The following ZFPM2 variants were observed in gnomAD, a reference collection of about 807,000 sequenced individuals.
The protein encoded by ZFPM2 is zinc finger protein ZFPM2.
Under a neutral mutation model 98.6 loss-of-function variants are expected in ZFPM2, and 20 were observed. The observed-to-expected ratio is 0.20, with a 90% confidence interval of 0.14 to 0.29. The LOEUF is 0.29. Ranked by LOEUF, ZFPM2 falls within the 10% of genes least tolerant of loss-of-function variation. ZFPM2 has a pLI of 1.00. For synonymous variants in ZFPM2, 518 were observed against 502.7 expected (o/e 1.03, Z -0.41); for missense variants, 1,310 against 1,388.6 (o/e 0.94, Z 0.90).
intron 1 of ZFPM2, among the ~76,000 whole-genome samples, chr8:105,333,884 G>T (rs1219051175): frequency 1.3e-5 from 2 of 151,506 alleles, no homozygotes; most frequent in Non-Finnish European, 3.0e-5. Flanking sequence ...AAAAATTTTT[G>T]AAAAAATATG....
chr8:105,747,949 T>A (rs551694419), intron 5 of ZFPM2, among the ~76,000 whole-genome samples: 67 of 152,232 alleles, frequency 4.4e-4, no homozygotes, highest in Middle Eastern at 3.4e-3. Flanking sequence ...ATCAACTTTC[T>A]TAGTTTACTT....
intron 5 of ZFPM2, among the ~76,000 whole-genome samples, chr8:105,637,545 C>G (rs939334812): frequency 1.3e-5 from 2 of 152,124 alleles, no homozygotes; most frequent in Non-Finnish European, 2.9e-5. Context: ...GCTCCAGACT[C>G]TTCTTTGATC....
intron 5 of ZFPM2, among the ~76,000 whole-genome samples, chr8:105,729,956 G>C (rs1298759217): frequency 6.6e-6 from 1 of 150,926 alleles, no homozygotes; most frequent in African/African-American, 2.4e-5. Context: ...TATGCACTGT[G>C]GCATGTAATA....
At chr8:105,434,138 A>C (rs1211913053) in intron 2 of ZFPM2, among the ~76,000 whole-genome samples, 2 of 152,202 alleles carry the variant, frequency 1.3e-5, no homozygotes, top group Non-Finnish European at 2.9e-5. Flanking sequence ...AGAAACCAGG[A>C]TAGGAATCCA....
At chr8:105,599,778 C>G (rs1295040760) in intron 4 of ZFPM2, among the ~76,000 whole-genome samples, 2 of 152,046 alleles carry the variant, frequency 1.3e-5, no homozygotes, top group Admixed American at 6.6e-5. Context: ...AGGCTTTAGC[C>G]TCACAGTAAT....
chr8:105,561,295 AC>A, intron 3 of ZFPM2, 67 bp from the exon 4 acceptor site: 1 of 1,207,104 alleles, frequency 8.3e-7, no homozygotes, highest in Non-Finnish European at 1.2e-6. Context: ...AAGCAAACAC[AC>A]AAAAAGAGGT....
chr8:105,671,258 T>G (rs1427392980), intron 5 of ZFPM2, among the ~76,000 whole-genome samples: 8 of 152,040 alleles, frequency 5.3e-5, no homozygotes, highest in Non-Finnish European at 1.2e-4. Context: ...GATTAAAATA[T>G]TACCAATTTT....
chr8:105,415,374 A>G (rs1811660646), intron 1 of ZFPM2, among the ~76,000 whole-genome samples: 1 of 152,082 alleles, frequency 6.6e-6, no homozygotes, highest in Non-Finnish European at 1.5e-5. Flanking sequence ...TTGAATATCT[A>G]TAAATCAGAA....
At chr8:105,496,008 CAA>C (rs1337562377) in intron 3 of ZFPM2, among the ~76,000 whole-genome samples, 2 of 152,060 alleles carry the variant, frequency 1.3e-5, no homozygotes, top group Non-Finnish European at 2.9e-5. Flanking sequence ...ATTAGGATTA[CAA>C]AAAAGCCGGG....
At chr8:105,783,210 GTTTTTTTTTTTTT>G (rs753557703) in intron 5 of ZFPM2, among the ~76,000 whole-genome samples, 5 of 88,944 alleles carry the variant, frequency 5.6e-5, no homozygotes, top group Non-Finnish European at 1.1e-4. Flanking sequence ...TTTCTTTATG[GTTTTTTTTTTTTT>G]TTTTTTTTTT....
At chr8:105,449,929 T>C (rs1271487734) in intron 3 of ZFPM2, among the ~76,000 whole-genome samples, 1 of 152,078 alleles carries the variant, frequency 6.6e-6, no homozygotes, top group Non-Finnish European at 1.5e-5. Flanking sequence ...TTAGTTGCAG[T>C]GGGTTAATTT....
intron 4 of ZFPM2, among the ~76,000 whole-genome samples, chr8:105,583,759 G>T (rs1444076526): frequency 6.6e-6 from 1 of 152,166 alleles, no homozygotes; most frequent in Non-Finnish European, 1.5e-5. Flanking sequence ...GGGCTGGAAT[G>T]CCGGCTAGGA....
chr8:105,481,786 A>G (rs1352727274), intron 3 of ZFPM2, among the ~76,000 whole-genome samples: 1 of 152,196 alleles, frequency 6.6e-6, no homozygotes, highest in Non-Finnish European at 1.5e-5. Flanking sequence ...ATTGACCTCT[A>G]CTGAGGCCAG....
intron 1 of ZFPM2, among the ~76,000 whole-genome samples, chr8:105,372,004 A>AATTATTATTATT (rs139489210): frequency 6.9e-6 from 1 of 145,728 alleles, no homozygotes; most frequent in Non-Finnish European, 1.5e-5. Flanking sequence ...AAAATAGTGA[A>AATTATTATTATT]ATTATTATTA....
chr8:105,478,166 A>T (rs1383823127), intron 3 of ZFPM2, among the ~76,000 whole-genome samples: 1 of 152,172 alleles, frequency 6.6e-6, no homozygotes. Context: ...GGAAGCTCAC[A>T]CACTTGAGTT....
At chr8:105,365,180 G>T (rs1810482941) in intron 1 of ZFPM2, among the ~76,000 whole-genome samples, 1 of 152,170 alleles carries the variant, frequency 6.6e-6, no homozygotes, top group Non-Finnish European at 1.5e-5. Flanking sequence ...CTCACAGGAA[G>T]AAGCTAATAT....
intron 5 of ZFPM2, among the ~76,000 whole-genome samples, chr8:105,637,246 C>T (rs1293491979): frequency 6.6e-6 from 1 of 152,144 alleles, no homozygotes; most frequent in African/African-American, 2.4e-5. Flanking sequence ...CTACATGACT[C>T]TGCCTTTCCC....
intron 7 of ZFPM2, among the ~76,000 whole-genome samples, chr8:105,800,778 G>A (rs927350739): frequency 3.9e-5 from 6 of 152,112 alleles, no homozygotes; most frequent in South Asian, 2.1e-4. Flanking sequence ...CTCCTTCAGC[G>A]TGTTTCCTCA....
intron 1 of ZFPM2, among the ~76,000 whole-genome samples, chr8:105,334,106 G>A (rs1220607645): frequency 6.9e-6 from 1 of 144,058 alleles, no homozygotes; most frequent in Non-Finnish European, 1.5e-5. Flanking sequence ...TGCCATTACT[G>A]CTAGTAATAA....
Sources: allele counts gnomAD v4.1 joint callset (sites outside exome capture counted in the v4.1 genomes callset), GRCh38; gene constraint gnomAD v4.1.1; transcripts MANE v1.5; gene names NCBI Gene and HGNC (gene_info 2026-07-23, HGNC 2026-07-21).